The following ZNF608 variants were observed in gnomAD, a reference collection of about 807,000 sequenced individuals.
ZNF608 encodes the protein zinc finger protein 608.
In ZNF608, 12 loss-of-function variants were observed where a neutral mutation model predicts 109.0. That is an observed-to-expected ratio of 0.11 (90% CI 0.07 to 0.18). The LOEUF (loss-of-function observed/expected upper bound fraction) is 0.18. ZNF608 is among the 10% of genes least tolerant of loss of function. The pLI, the probability that ZNF608 is intolerant of heterozygous loss-of-function variation, is 1.00. For synonymous variants in ZNF608, 732 were observed against 717.4 expected (o/e 1.02, Z -0.33); for missense variants, 1,707 against 1,879.3 (o/e 0.91, Z 1.70).
intron 2 of ZNF608, among the ~76,000 whole-genome samples, chr5:124,739,483 C>G (rs1749288071): frequency 6.6e-6 from 1 of 152,136 alleles, no homozygotes; most frequent in East Asian, 1.9e-4. Context: ...CCCCTCCTTG[C>G]CTCCAGGGGG....
At chr5:124,699,289 G>A (rs528532478) in intron 3 of ZNF608, among the ~76,000 whole-genome samples, 30 of 152,192 alleles carry the variant, frequency 2.0e-4, no homozygotes, top group Non-Finnish European at 4.1e-4. Context: ...CATGATAGAA[G>A]CTTGCTCCCC....
Position 124,648,204 on chromosome 5 carries a change from T to C in ZNF608, c.2180A>G (p.Lys727Arg), listed in dbSNP as rs778352521. Residue 727 changes from lysine (K) to arginine (R), a missense_variant, in exon 5 of 10, where the codon AAA becomes AGA. By Grantham distance (26) the Lys-to-Arg change is conservative. Transcript: ENST00000513986. ...GKKATNCKTD[K>R]NLSKLKSARP... ...GGCACTTTTCAGTTTAGAGAGGTTT[T>C]TGTCCGTTTTGCAGTTGGTAGCTTT... 3.1e-6 allele frequency: 5 copies of C among 1,614,126 alleles called. No homozygotes were observed. The highest frequency in any genetic ancestry group is 4.2e-6 in the Non-Finnish European group (5 of 1,180,026).
At chr5:124,747,231 G>A (rs1436194384), upstream of ZNF608, among the ~76,000 whole-genome samples, 4 of 149,994 alleles carry the variant, frequency 2.7e-5, no homozygotes, top group African/African-American at 4.9e-5. Context: ...CGCAGCAAAC[G>A]GTGTGTCTCC....
chr5:124,669,935 T>G (rs923914257), intron 3 of ZNF608, among the ~76,000 whole-genome samples: 1 of 152,176 alleles, frequency 6.6e-6, no homozygotes, highest in East Asian at 1.9e-4. Context: ...AAATGGGGAA[T>G]GATAATTTTG....
At chr5:124,694,230 T>G (rs1456115175) in intron 3 of ZNF608, among the ~76,000 whole-genome samples, 9 of 144,130 alleles carry the variant, frequency 6.2e-5, no homozygotes, top group African/African-American at 1.0e-4. Context: ...CCTGACCTCC[T>G]GATCCGCCCG....
intron 3 of ZNF608, among the ~76,000 whole-genome samples, chr5:124,696,925 T>C (rs1752870717): frequency 6.6e-6 from 1 of 152,074 alleles, no homozygotes; most frequent in South Asian, 2.1e-4. Flanking sequence ...CTAGGGAGCT[T>C]TGACAAAACA....
intron 2 of ZNF608, among the ~76,000 whole-genome samples, chr5:124,714,692 A>G (rs1561579061): frequency 6.6e-6 from 1 of 152,234 alleles, no homozygotes; most frequent in Non-Finnish European, 1.5e-5. Flanking sequence ...TCTCTATCAT[A>G]TAAGTGCTCA....
chr5:124,665,555 A>G (rs911412033), intron 3 of ZNF608, among the ~76,000 whole-genome samples: 1 of 152,264 alleles, frequency 6.6e-6, no homozygotes, highest in Non-Finnish European at 1.5e-5. Context: ...TTCCTTTTTT[A>G]AAATAATCTG....
Position 124,648,881 on chromosome 5 carries a change from T to C in ZNF608, c.1503A>G (p.Lys501=). 3 of 1,614,040 alleles carry C rather than the reference T, an allele frequency of 1.9e-6. No homozygotes were observed. Among genetic ancestry groups the C allele is most frequent in the Non-Finnish European group, 2.5e-6 (3 of 1,179,962 alleles). ...KASPSSTNKR[K]NKPPMELDLN... ...GGTCCAGCTCCATTGGAGGCTTGTT[T>C]TTCCTTTTGTTGGTGGAGGAAGGGC... The change falls in exon 5 of 10, where the codon AAA becomes AAG. Residue 501 remains lysine, a synonymous_variant. Transcript: ENST00000513986.
At chr5:124,680,870 C>T (rs1057029326) in intron 3 of ZNF608, among the ~76,000 whole-genome samples, 33 of 151,834 alleles carry the variant, frequency 2.2e-4, no homozygotes, top group Admixed American at 1.2e-3. Flanking sequence ...ATAAAAAGCG[C>T]TTAGAAATTA....
intron 2 of ZNF608, among the ~76,000 whole-genome samples, chr5:124,721,478 A>G (rs1488555935): frequency 1.3e-5 from 2 of 152,224 alleles, no homozygotes; most frequent in African/African-American, 2.4e-5. Flanking sequence ...CACACACCAC[A>G]GAACAAAACA....
At chr5:124,738,843 T>TGCA (rs113909125) in intron 2 of ZNF608, among the ~76,000 whole-genome samples, 6,967 of 152,236 alleles carry the variant, frequency 0.046, 486 homozygotes, top group African/African-American at 0.15. Context: ...CAATTCAACG[T>TGCA]GCAGCTCTCC....
chr5:124,647,079 C>G lies in ZNF608; in HGVS notation c.3305G>C (p.Arg1102Thr). ...CTCATAGTACTTCTCATACTGCTGT[C>G]TATAGGCAGGGCTGGTGGCCATCAG... ...KSLMATSPAY[R>T]QQYEKYYEDQ... is the part of the protein sequence containing the mutation. Residue 1102 changes from arginine (R) to threonine (T), a missense_variant, in exon 5 of 10, where the codon AGA becomes ACA. Physicochemically the swap from Arg to Thr is moderately conservative, Grantham distance 71 (BLOSUM62 -1). Coordinates refer to ENST00000513986, the MANE Select transcript of ZNF608 (RefSeq NM_020747.3). The G allele has an allele frequency of 1.2e-6, 2 of 1,614,126 alleles. No homozygotes were observed. The highest frequency in any genetic ancestry group is 1.7e-6 in the Non-Finnish European group (2 of 1,180,002).
At chr5:124,731,233 C>T (rs905810965) in intron 2 of ZNF608, among the ~76,000 whole-genome samples, 14 of 152,114 alleles carry the variant, frequency 9.2e-5, no homozygotes, top group East Asian at 3.9e-4. Flanking sequence ...TTTTTTGAGA[C>T]GGAGTCTCGC....
intron 2 of ZNF608, among the ~76,000 whole-genome samples, chr5:124,737,307 AG>A (rs1580719249): frequency 1.3e-5 from 2 of 152,204 alleles, no homozygotes; most frequent in African/African-American, 4.8e-5. Flanking sequence ...TTAAGGTGCT[AG>A]CTGACAATGA....
intron 3 of ZNF608, among the ~76,000 whole-genome samples, chr5:124,697,784 G>C (rs1446094639): frequency 6.6e-6 from 1 of 152,132 alleles, no homozygotes; most frequent in Non-Finnish European, 1.5e-5. Flanking sequence ...GATCCTCCTA[G>C]TCCAGTCTTG....
intron 2 of ZNF608, chr5:124,734,832 T>C (rs1036286282): frequency 1.3e-5 from 2 of 152,264 alleles, no homozygotes; most frequent in African/African-American, 2.4e-5. Flanking sequence ...GTCTGTATAT[T>C]TCTCTTTTAT....
At chr5:124,729,352 G>A (rs1219268372) in intron 2 of ZNF608, among the ~76,000 whole-genome samples, 1 of 152,230 alleles carries the variant, frequency 6.6e-6, no homozygotes, top group African/African-American at 2.4e-5. Flanking sequence ...GAGGTCCTGA[G>A]TGAGAGGGAC....
intron 2 of ZNF608, among the ~76,000 whole-genome samples, chr5:124,739,263 T>C (rs1335840652): frequency 6.6e-6 from 1 of 152,180 alleles, no homozygotes; most frequent in Non-Finnish European, 1.5e-5. Context: ...GGGCTCTAAC[T>C]AAACCCAGAA....
Sources: allele counts gnomAD v4.1 joint callset (sites outside exome capture counted in the v4.1 genomes callset), GRCh38; gene constraint gnomAD v4.1.1; transcripts MANE v1.5; gene names NCBI Gene and HGNC (gene_info 2026-07-23, HGNC 2026-07-21).